INPP5A: variants seen among roughly 807,000 people sequenced by gnomAD.
INPP5A encodes the protein 43 kDa inositol polyphosphate 5-phophatase.
Under a neutral mutation model 65.2 loss-of-function variants are expected in INPP5A, and 14 were observed. The observed-to-expected ratio is 0.21, with a 90% CI of 0.14 to 0.34. INPP5A has a LOEUF of 0.34. Among genes scored for constraint, INPP5A ranks in the 10% least tolerant of loss-of-function variants. The probability of loss-of-function intolerance (pLI) is 1.00; values close to 1 mark genes in which losing one functional copy is unlikely to be tolerated. For missense variants in INPP5A, 431 were observed against 545.6 expected (o/e 0.79, Z 2.09); for synonymous variants, 207 against 208.3 (o/e 0.99, Z 0.05).
chr10:132,703,706 ACC>A (rs200245311), intron 6 of INPP5A, among the ~76,000 whole-genome samples: 1 of 36,092 alleles, frequency 2.8e-5, no homozygotes. Context: ...ATGCGGCTTC[ACC>A]CCCCCCACAC....
At chr10:132,710,484 G>T in intron 8 of INPP5A, 28 bp downstream of exon 8, 1 of 1,605,870 alleles carries the variant, frequency 6.2e-7, no homozygotes, top group Non-Finnish European at 8.5e-7. Flanking sequence ...GGTAGGCGTG[G>T]GCCGGGCAAG....
intron 2 of INPP5A, among the ~76,000 whole-genome samples, chr10:132,608,513 C>T (rs1419088476): frequency 6.6e-6 from 1 of 152,256 alleles, no homozygotes; most frequent in African/African-American, 2.4e-5. Flanking sequence ...TGTGAAGAGA[C>T]AGGCTGGTGC....
At chr10:132,781,772 C>T (rs1565017539) in intron 14 of INPP5A, 89 bp from the exon 15 acceptor site, 2 of 1,082,108 alleles carry the variant, frequency 1.8e-6, no homozygotes, top group Non-Finnish European at 2.8e-6. Flanking sequence ...TGGTGAGACG[C>T]AGGGTCTGGG....
At chr10:132,618,980 C>T (rs571725136) in intron 2 of INPP5A, among the ~76,000 whole-genome samples, 11 of 152,264 alleles carry the variant, frequency 7.2e-5, no homozygotes, top group Admixed American at 3.3e-4. Context: ...GAGATTTGGC[C>T]GGGGACAAAT....
At chr10:132,574,444 G>A (rs2071390407) in intron 1 of INPP5A, among the ~76,000 whole-genome samples, 1 of 151,274 alleles carries the variant, frequency 6.6e-6, no homozygotes, top group Admixed American at 6.6e-5. Context: ...TGCCGTGTGA[G>A]GTTTTGTTGC....
At chr10:132,579,260 G>T (rs2071450150) in intron 1 of INPP5A, among the ~76,000 whole-genome samples, 1 of 152,126 alleles carries the variant, frequency 6.6e-6, no homozygotes, top group African/African-American at 2.4e-5. Flanking sequence ...CGCGGGGCGG[G>T]GTGGCGAGTG....
intron 4 of INPP5A, among the ~76,000 whole-genome samples, chr10:132,681,361 A>G (rs1238085480): frequency 6.6e-6 from 1 of 151,646 alleles, no homozygotes; most frequent in African/African-American, 2.4e-5. Context: ...CACTCTCTGG[A>G]TCCACACTGC....
intron 11 of INPP5A, among the ~76,000 whole-genome samples, chr10:132,750,901 C>T (rs1053122007): frequency 1.3e-5 from 2 of 152,236 alleles, no homozygotes; most frequent in Non-Finnish European, 2.9e-5. Flanking sequence ...CAGGACACTG[C>T]AGCCGCGTTC....
At chr10:132,593,575 A>G (rs1002301700) in intron 1 of INPP5A, among the ~76,000 whole-genome samples, 3 of 152,062 alleles carry the variant, frequency 2.0e-5, no homozygotes, top group South Asian at 2.1e-4. Context: ...TCGAAGGATG[A>G]TTTTGCTGTA....
intron 11 of INPP5A, among the ~76,000 whole-genome samples, chr10:132,755,196 T>C (rs1846573628): frequency 6.6e-6 from 1 of 151,728 alleles, no homozygotes; most frequent in Non-Finnish European, 1.5e-5. Flanking sequence ...AGCAGGCATA[T>C]GCACATGAGC....
chr10:132,773,548 A>G (rs752394624), intron 12 of INPP5A, among the ~76,000 whole-genome samples: 13 of 152,214 alleles, frequency 8.5e-5, no homozygotes, highest in Admixed American at 2.0e-4. Context: ...TTATAGTGTA[A>G]TAATTATCTA....
chr10:132,737,140 G>C (rs1234847653), intron 9 of INPP5A, among the ~76,000 whole-genome samples: 2 of 152,254 alleles, frequency 1.3e-5, no homozygotes, highest in Non-Finnish European at 2.9e-5. Flanking sequence ...ATCGGCTGCA[G>C]TCGGCGCAGC....
intron 4 of INPP5A, among the ~76,000 whole-genome samples, chr10:132,689,030 T>A (rs1845208809): frequency 6.6e-6 from 1 of 150,418 alleles, no homozygotes; most frequent in Non-Finnish European, 1.5e-5. Context: ...AGTGCATATA[T>A]GTGTTAATGT....
intron 2 of INPP5A, among the ~76,000 whole-genome samples, chr10:132,645,277 T>C (rs1590890627): frequency 1.3e-5 from 2 of 152,178 alleles, no homozygotes; most frequent in East Asian, 3.9e-4. Flanking sequence ...CTCTGCCACT[T>C]AGTGGAAGTG....
Position 132,714,167 on chromosome 10 carries a change from G to A in INPP5A, c.647+3711G>A, listed in dbSNP as rs533848803. 1.9e-4 allele frequency among the ~76,000 whole-genome samples: 29 copies of A among 152,314 alleles called. 1 individual carries two copies. In the East Asian group the frequency reaches 5.2e-3, roughly 27 times the overall value. Reference sequence around the variant, plus strand: ...TTGCCCCTCGCTGCCATGGCTCCGCGGCCTCAAGAAAGCAGCCTTTGGGCT... The same window carrying A: ...TTGCCCCTCGCTGCCATGGCTCCGCAGCCTCAAGAAAGCAGCCTTTGGGCT... On this transcript the variant is annotated intron_variant, in intron 8 of 15. Transcript: ENST00000368594.
chr10:132,691,479 A>C (rs916992194), intron 5 of INPP5A, among the ~76,000 whole-genome samples: 3 of 152,380 alleles, frequency 2.0e-5, no homozygotes, highest in South Asian at 2.1e-4. Context: ...CGTGTGCTGC[A>C]GGAAGCTGGA....
In INPP5A at chr10:132,741,862, T is replaced by G. The variant is rs1044523041; in HGVS notation, c.733-7655T>G. Among the ~76,000 whole-genome samples the G allele has an allele frequency of 1.4e-4, 22 of 152,162 alleles. No homozygotes were observed. Among genetic ancestry groups the G allele is most frequent in the Non-Finnish European group, 7.3e-5 (5 of 68,040 alleles). ...TGCTTGCTTTACTCCATAGCTGATA[T>G]AAACTGCAGCTGGCTGCAGCACCCA... On this transcript the variant is annotated intron_variant, in intron 9 of 15. Transcript: ENST00000368594. This position sits in a 1 kb window ranked among gnomAD's most constrained non-coding sequence, Gnocchi z 4.4.
rs2071559309 is a variant in INPP5A at position 132,587,479 on chromosome 10, C to T, written c.76-20436C>T. Among the ~76,000 whole-genome samples, 1 of 152,182 alleles carries T rather than the reference C, an allele frequency of 6.6e-6. No homozygotes were observed. The highest frequency in any genetic ancestry group is 6.5e-5 in the Admixed American group (1 of 15,284). On this transcript the variant is annotated intron_variant, in intron 1 of 15. Coordinates refer to ENST00000368594, the MANE Select transcript of INPP5A (RefSeq NM_005539.5). The surrounding 1 kb of genome is among the most constrained non-coding windows in gnomAD (Gnocchi z 4.3). ...AATCATGACGGGGAAAGGATGCGGC[C>T]ATACCAGACGGAACCTTTGTCCACA...
At chr10:132,579,428 G>A (rs2071453231) in intron 1 of INPP5A, among the ~76,000 whole-genome samples, 1 of 152,270 alleles carries the variant, frequency 6.6e-6, no homozygotes, top group Admixed American at 6.5e-5. Context: ...GCTCTGGTGG[G>A]AGCAGTAGGG....
Sources: gnomAD v4.1 joint callset for allele counts (sites outside exome capture counted in the v4.1 genomes callset) on GRCh38, gnomAD v4.1.1 for gene constraint, Gnocchi (gnomAD v3.1) non-coding constraint, MANE v1.5 for transcripts, NCBI Gene and HGNC (gene_info 2026-07-23, HGNC 2026-07-21) for gene names.